Variants in ZNF723 observed in about 807,000 individuals in gnomAD.
The protein encoded by ZNF723 is zinc finger protein 723.
A neutral mutation model predicts 9.4 loss-of-function variants in ZNF723; 5 were observed. The observed-to-expected ratio is 0.53, with a 90% CI of 0.28 to 1.12. The LOEUF (loss-of-function observed/expected upper bound fraction) is 1.12, where lower values mean the gene tolerates loss of function less well. Among genes scored for constraint, ZNF723 ranks in the 50% most tolerant of loss-of-function variants. The pLI, the probability that ZNF723 is intolerant of heterozygous loss-of-function variation, is 0.10. For synonymous variants in ZNF723, 158 were observed against 168.8 expected, an observed-to-expected ratio of 0.94 and a Z score of 0.49; for missense variants, 450 against 501.5, an observed-to-expected ratio of 0.90 and a Z score of 0.98.
At position 22,835,899 on chromosome 19, in the gene ZNF723, A is replaced by G. The variant is rs542824163; in HGVS notation, c.3+3517A>G. Among the ~76,000 whole-genome samples the G allele has an allele frequency of 2.6e-5, 4 of 152,322 alleles. No homozygotes were observed. The East Asian group carries it at 7.7e-4, about 29-fold the overall frequency. On this transcript the variant is annotated intron_variant, in intron 1 of 3. Transcript: ENST00000600766. ...ATGATTGTTTACTACATAATTTTTAATGCAAATAATAAAATAATACATTTA... is the reference window on the plus strand; with the variant it reads ...ATGATTGTTTACTACATAATTTTTAGTGCAAATAATAAAATAATACATTTA...
the ZNF723 span, among the ~76,000 whole-genome samples, chr19:22,823,196 C>T: frequency 4.6e-5 from 7 of 152,090 alleles, no homozygotes; most frequent in African/African-American, 7.2e-5. Flanking sequence ...TCAGGCATAC[C>T]GTATAAAGCC....
At chr19:22,848,722 G>A (rs536007447) in intron 2 of ZNF723, among the ~76,000 whole-genome samples, 1 of 144,990 alleles carries the variant, frequency 6.9e-6, no homozygotes, top group South Asian at 2.3e-4. Flanking sequence ...ACTGGGTAGA[G>A]AAATTATTTT....
chr19:22,813,346 G>C, the ZNF723 span, among the ~76,000 whole-genome samples: 1 of 152,142 alleles, frequency 6.6e-6, no homozygotes, highest in Non-Finnish European at 1.5e-5. Flanking sequence ...ATGCAAGTGT[G>C]ACATATGGCA....
At chr19:22,814,820 G>A in the ZNF723 span, among the ~76,000 whole-genome samples, 1 of 152,044 alleles carries the variant, frequency 6.6e-6, no homozygotes, top group African/African-American at 2.4e-5. Context: ...GGTGACGTGA[G>A]CCTATACTTT....
Position 22,857,902 on chromosome 19 carries a change from A to G in ZNF723, c.1011A>G (p.Gly337=). The G allele has an allele frequency of 7.0e-7, 1 of 1,438,122 alleles. No homozygotes were observed. Among genetic ancestry groups the G allele is most frequent in the Admixed American group, 1.7e-5 (1 of 59,808 alleles). 89.1% of individuals were successfully genotyped at this position (1,438,122 alleles called of 1,614,324 possible). ...CTACACATAAGAGAATTCATACTGG[A>G]GAGAAACTCTACAAATGTGAAGAAT... The part of the protein sequence containing the change: ...HLATHKRIHT[G]EKLYKCEECG... The change falls in exon 4 of 4, where the codon GGA becomes GGG. Residue 337 remains glycine, a synonymous_variant. Transcript: ENST00000600766.
chr19:22,824,358 G>C, the ZNF723 span, among the ~76,000 whole-genome samples: 1 of 152,128 alleles, frequency 6.6e-6, no homozygotes, highest in Non-Finnish European at 1.5e-5. Context: ...CCTGCTCATA[G>C]TGCAGATTGA....
intron 1 of ZNF723, among the ~76,000 whole-genome samples, chr19:22,841,610 C>T (rs534700874): frequency 1.7e-3 from 266 of 152,312 alleles, no homozygotes; most frequent in African/African-American, 5.9e-3. Context: ...TCCTCTCAGG[C>T]TTCCAGTCAA....
At chr19:22,845,817 AG>A (rs1967300136) in intron 1 of ZNF723, among the ~76,000 whole-genome samples, 1 of 151,106 alleles carries the variant, frequency 6.6e-6, no homozygotes, top group Admixed American at 6.6e-5. Flanking sequence ...CTCAAGATGC[AG>A]GTCTAATTTG....
the ZNF723 span, among the ~76,000 whole-genome samples, chr19:22,821,056 G>A: frequency 6.6e-6 from 1 of 152,204 alleles, no homozygotes; most frequent in Non-Finnish European, 1.5e-5. Context: ...CTGTGATTCA[G>A]ATATTGAGAC....
In ZNF723 at chr19:22,858,279, A is replaced by G. The variant is rs1967512947; in HGVS notation, c.1388A>G (p.Asn463Ser). The change falls in exon 4 of 4, where the codon AAC becomes AGC. Residue 463 changes from asparagine (N) to serine (S), a missense_variant. Coordinates refer to ENST00000600766, the MANE Select transcript of ZNF723 (RefSeq NM_001349726.2). ...YKCEECGKAF[N>S]QYSTLNKHKI... ...TGTGAAGAATGTGGCAAAGCTTTTA[A>G]CCAATATTCAACCCTTAATAAACAT... The G allele has an allele frequency of 7.9e-7, 1 of 1,263,754 alleles. No individual in the cohort carries two copies. Among genetic ancestry groups the G allele is most frequent in the South Asian group, 1.2e-5 (1 of 83,296 alleles). The allele number at this position is 1,263,754 out of a possible 1,614,324, so 78.3% of individuals were successfully genotyped here. A position where few individuals can be genotyped will look rare whatever the true frequency, so the allele number is the denominator to read the frequency against.
At chr19:22,840,360 A>ATG in intron 1 of ZNF723, 1 of 143,360 alleles carries the variant, frequency 7.0e-6, no homozygotes, top group Non-Finnish European at 1.5e-5. Context: ...TAGTATAGGC[A>ATG]GGGTTTCACC....
intron 3 of ZNF723, among the ~76,000 whole-genome samples, chr19:22,852,680 ATAATC>A (rs1422322190): frequency 6.6e-6 from 1 of 152,216 alleles, no homozygotes; most frequent in African/African-American, 2.4e-5. Context: ...TCAAAAACAC[ATAATC>A]TTTACAGTCA....
chr19:22,858,105 C>G lies in ZNF723; in HGVS notation c.1214C>G (p.Ala405Gly). ...KPYKCEECGKAFNQSSALTTH... is the reference protein window; with the variant it reads ...KPYKCEECGKGFNQSSALTTH... ...TACAAATGTGAAGAATGTGGCAAAG[C>G]CTTTAACCAATCCTCAGCCCTTACT... Residue 405 changes from alanine (A) to glycine (G), a missense_variant, in exon 4 of 4, where the codon GCC (alanine) becomes GGC (glycine). Physicochemically the swap from Ala to Gly is moderately conservative, Grantham distance 60 (BLOSUM62 0). Coordinates refer to ENST00000600766, the MANE Select transcript of ZNF723 (RefSeq NM_001349726.2). 12 of 1,483,004 alleles carry G rather than the reference C, an allele frequency of 8.1e-6. No homozygotes were observed. Among genetic ancestry groups the G allele is most frequent in the Non-Finnish European group, 1.1e-5 (12 of 1,061,822 alleles). 91.9% of individuals were successfully genotyped at this position (1,483,004 alleles called of 1,614,324 possible). A position where few individuals can be genotyped will look rare whatever the true frequency, so the allele number is the denominator to read the frequency against.
Position 22,858,393 on chromosome 19 carries a change from T to C in ZNF723, c.1502T>C (p.Ile501Thr). 1.3e-6 allele frequency: 1 copy of C among 774,292 alleles called. No individual in the cohort carries two copies. The highest frequency in any genetic ancestry group is 2.6e-5 in the East Asian group (1 of 38,200). 48.0% of individuals were successfully genotyped at this position (774,292 alleles called of 1,614,324 possible). Residue 501 changes from isoleucine (I) to threonine (T), a missense_variant, in exon 4 of 4, where the codon ATA becomes ACA. By Grantham distance (89) the Ile-to-Thr change is moderately conservative. Transcript: ENST00000600766. ...TCCTCAATTCTTAACAGACATAAGA[T>C]AATTCATACTAAAGAGAAATCACAA... ...NKSSILNRHK[I>T]IHTKEKSQTL...
At chr19:22,836,003 A>G (rs980464638) in intron 1 of ZNF723, among the ~76,000 whole-genome samples, 2 of 152,160 alleles carry the variant, frequency 1.3e-5, no homozygotes, top group African/African-American at 4.8e-5. Context: ...TTTCCTTCAT[A>G]TGAACACTGT....
At chr19:22,819,137 G>T in the ZNF723 span, among the ~76,000 whole-genome samples, 1 of 152,112 alleles carries the variant, frequency 6.6e-6, no homozygotes, top group Non-Finnish European at 1.5e-5. Flanking sequence ...TTCTGCTTTG[G>T]CCCTGCCCTC....
upstream of ZNF723, among the ~76,000 whole-genome samples, chr19:22,830,807 G>C (rs1407070524): frequency 6.6e-6 from 1 of 152,036 alleles, no homozygotes; most frequent in East Asian, 1.9e-4. Flanking sequence ...CTGTCGCCTA[G>C]GCTGGAGTGC....
the ZNF723 span, among the ~76,000 whole-genome samples, chr19:22,821,153 A>T: frequency 1.3e-5 from 2 of 152,178 alleles, no homozygotes; most frequent in African/African-American, 4.8e-5. Flanking sequence ...AAACATAAAG[A>T]AGGTCTTGAC....
chr19:22,826,556 T>C, the ZNF723 span, among the ~76,000 whole-genome samples: 1 of 152,336 alleles, frequency 6.6e-6, no homozygotes, highest in African/African-American at 2.4e-5. Context: ...CAGTTATAAC[T>C]GTCACTCTCT....
Sources: gnomAD v4.1 joint callset for allele counts (sites outside exome capture counted in the v4.1 genomes callset) on GRCh38, gnomAD v4.1.1 for gene constraint, MANE v1.5 for transcripts, NCBI Gene and HGNC (gene_info 2026-07-23, HGNC 2026-07-21) for gene names.